The following RFFL variants were observed in gnomAD, a reference collection of about 807,000 sequenced individuals.
The protein encoded by RFFL is E3 ubiquitin-protein ligase rififylin.
In RFFL, 16 loss-of-function variants were observed where a neutral mutation model predicts 40.4. The ratio of observed to expected loss-of-function variants is 0.40; its 90% CI spans 0.27 to 0.60. RFFL has a LOEUF of 0.60. Ranked by LOEUF, RFFL falls within the 20% of genes least tolerant of loss-of-function variation. RFFL has a pLI of 0.47. For missense variants in RFFL, 367 were observed against 451.7 expected (o/e 0.81, Z 1.70); for synonymous variants, 154 against 167.9 (o/e 0.92, Z 0.64).
At chr17:35,078,249 TA>T (rs933457237) in intron 1 of RFFL, among the ~76,000 whole-genome samples, 17 of 151,296 alleles carry the variant, frequency 1.1e-4, no homozygotes, top group East Asian at 9.7e-4. Flanking sequence ...ACTTCAGGAA[TA>T]AAAAAAAAGG....
intron 6 of RFFL, among the ~76,000 whole-genome samples, chr17:35,013,864 G>A (rs1181945208): frequency 6.6e-6 from 1 of 152,126 alleles, no homozygotes; most frequent in East Asian, 1.9e-4. Context: ...GAGGGTGGAG[G>A]TGGGTCTAGA....
chr17:35,030,953 AGTT>A (rs1463375941), intron 1 of RFFL, among the ~76,000 whole-genome samples: 6 of 152,084 alleles, frequency 3.9e-5, no homozygotes, highest in Admixed American at 1.3e-4. Context: ...TATAAACATT[AGTT>A]GTTGTTATCC....
intron 1 of RFFL, among the ~76,000 whole-genome samples, chr17:35,038,706 A>G (rs1169007877): frequency 1.3e-5 from 2 of 152,220 alleles, no homozygotes; most frequent in African/African-American, 4.8e-5. Context: ...AAACAGGCAA[A>G]CTATGGTGTT....
intron 1 of RFFL, chr17:35,076,603 G>C (rs534444324): frequency 4.6e-5 from 7 of 151,170 alleles, no homozygotes; most frequent in African/African-American, 1.7e-4. Context: ...GCTTGAACCC[G>C]GGAGGCGGAG....
rs925252562 is a variant in RFFL, at chr17:35,011,027, C to T, written c.*941G>A. On this transcript the variant is annotated 3_prime_UTR_variant, in exon 7 of 7. Coordinates refer to ENST00000394597, the MANE Select transcript of RFFL (RefSeq NM_001017368.2). ...TTCAATGAAACCAAATTTAAAACTA[C>T]CATGGATAAGGGAGGGATTTCATTT... 1 of 152,146 alleles carries T rather than the reference C, an allele frequency of 6.6e-6. No homozygotes were observed. The highest frequency in any genetic ancestry group is 1.5e-5 in the Non-Finnish European group (1 of 68,028). 9.4% of individuals were successfully genotyped at this position (152,146 alleles called of 1,614,324 possible). A position where few individuals can be genotyped will look rare whatever the true frequency, so the allele number is the denominator to read the frequency against.
At chr17:35,053,018 G>A (rs2091240612) in intron 1 of RFFL, among the ~76,000 whole-genome samples, 1 of 152,202 alleles carries the variant, frequency 6.6e-6, no homozygotes, top group Admixed American at 6.5e-5. Flanking sequence ...GTGAGTAACT[G>A]GCAATAGCTA....
chr17:35,047,993 C>A (rs1461254340), intron 1 of RFFL, among the ~76,000 whole-genome samples: 1 of 151,896 alleles, frequency 6.6e-6, no homozygotes, highest in Non-Finnish European at 1.5e-5. Flanking sequence ...CTCAAGCAAT[C>A]CATTCACCTT....
At chr17:35,036,139 A>G (rs988934377) in intron 1 of RFFL, among the ~76,000 whole-genome samples, 1 of 152,246 alleles carries the variant, frequency 6.6e-6, no homozygotes, top group South Asian at 2.1e-4. Flanking sequence ...GGAAGGAAAG[A>G]GTTTGTAACT....
In RFFL at chr17:35,011,660, G is replaced by A. The variant is rs1023537609; in HGVS notation, c.*308C>T. 5.5e-5 allele frequency: 17 copies of A among 310,412 alleles called. No individual in the cohort carries two copies. Among genetic ancestry groups the A allele is most frequent in the Non-Finnish European group, 8.6e-5 (14 of 163,736 alleles). The allele number at this position is 310,412 out of a possible 1,614,324, so 19.2% of individuals were successfully genotyped here. A position where few individuals can be genotyped will look rare whatever the true frequency, so the allele number is the denominator to read the frequency against. Reference sequence around the variant, plus strand: ...AGGGGTGAAACTGTCTAGGTTCAGGGAGGAAGACAGGACCCAAGTTCTGGA... The same window carrying A: ...AGGGGTGAAACTGTCTAGGTTCAGGAAGGAAGACAGGACCCAAGTTCTGGA... On this transcript the variant is annotated 3_prime_UTR_variant, in exon 7 of 7. Coordinates refer to ENST00000394597, the MANE Select transcript of RFFL (RefSeq NM_001017368.2).
At position 35,011,946 on chromosome 17, in the gene RFFL, C is replaced by G. The variant is rs935028253; in HGVS notation, c.*22G>C. 3.1e-6 allele frequency: 5 copies of G among 1,611,200 alleles called. No individual in the cohort carries two copies. The African/African-American group carries it at 6.7e-5, about 22-fold the overall frequency. ...CCCCAGGCTATTTCCCTGTAAGGCA[C>G]TGAAGAAACCGATGCAAGCTCTCAG... On this transcript the variant is annotated 3_prime_UTR_variant, in exon 7 of 7. Transcript: ENST00000394597.
At chr17:35,044,343 T>TG (rs1597828088) in intron 1 of RFFL, among the ~76,000 whole-genome samples, 1 of 152,270 alleles carries the variant, frequency 6.6e-6, no homozygotes, top group East Asian at 1.9e-4. Context: ...CCCAAAGTGC[T>TG]GGGATTACAG....
intron 2 of RFFL, 132 bp downstream of exon 2, chr17:35,026,242 T>C: frequency 1.2e-6 from 1 of 850,204 alleles, no homozygotes. Context: ...AACATTTTTG[T>C]GAAAGGGACA....
chr17:35,073,482 T>C (rs1159014397), intron 1 of RFFL, among the ~76,000 whole-genome samples: 1 of 152,242 alleles, frequency 6.6e-6, no homozygotes, highest in Non-Finnish European at 1.5e-5. Flanking sequence ...GAAGAAAGAC[T>C]GGTGGGAGAG....
At chr17:35,071,384 A>G (rs1004649501) in intron 1 of RFFL, among the ~76,000 whole-genome samples, 6 of 151,932 alleles carry the variant, frequency 3.9e-5, no homozygotes, top group African/African-American at 1.2e-4. Flanking sequence ...TTGGGAGGAC[A>G]TCGTGGGCAG....
At chr17:35,078,233 C>T (rs1168714446) in intron 1 of RFFL, among the ~76,000 whole-genome samples, 2 of 151,924 alleles carry the variant, frequency 1.3e-5, no homozygotes, top group East Asian at 3.9e-4. Context: ...TATAACCTTA[C>T]TAAAGACTTC....
At chr17:35,065,847 C>T (rs115068122), upstream of RFFL, among the ~76,000 whole-genome samples, 497 of 152,282 alleles carry the variant, frequency 3.3e-3, 1 homozygote, top group African/African-American at 0.012. Flanking sequence ...AAAAGGTACT[C>T]GTTTGAACTA....
At chr17:35,070,026 T>C (rs1290484272) in intron 1 of RFFL, among the ~76,000 whole-genome samples, 1 of 151,828 alleles carries the variant, frequency 6.6e-6, no homozygotes, top group Non-Finnish European at 1.5e-5. Context: ...CACACATACA[T>C]ATATATACAT....
rs115109224 is a variant in RFFL at position 35,044,509 on chromosome 17, C to T, written c.-8-17948G>A. Among the ~76,000 whole-genome samples, 692 of 152,210 alleles carry T rather than the reference C, an allele frequency of 4.5e-3. 4 individuals carry two copies. Among genetic ancestry groups the T allele is most frequent in the African/African-American group, 0.014 (580 of 41,526 alleles). ...ACAGGTGCCTGTAATCCCAGCTGCA[C>T]GGAGGCTGAGGCAGGAGAATCGCTT... On this transcript the variant is annotated intron_variant, in intron 1 of 6. Coordinates refer to ENST00000394597, the MANE Select transcript of RFFL (RefSeq NM_001017368.2).
chr17:35,036,366 G>C (rs1024613157), intron 1 of RFFL: 3 of 152,026 alleles, frequency 2.0e-5, no homozygotes, highest in African/African-American at 7.2e-5. Flanking sequence ...GAAAATTATT[G>C]GATCTTCACT....
Sources: allele counts gnomAD v4.1 joint callset (sites outside exome capture counted in the v4.1 genomes callset), GRCh38; gene constraint gnomAD v4.1.1; transcripts MANE v1.5; gene names NCBI Gene and HGNC (gene_info 2026-07-23, HGNC 2026-07-21).